PDE7B: variants seen among roughly 807,000 people sequenced by gnomAD.
PDE7B encodes phosphodiesterase 7B.
Under a neutral mutation model 56.2 loss-of-function variants are expected in PDE7B, and 29 were observed. That is an observed-to-expected ratio of 0.52 (90% CI 0.38 to 0.70). The LOEUF is 0.70. Among genes scored for constraint, PDE7B ranks in the 30% least tolerant of loss-of-function variants. The pLI, the probability that PDE7B is intolerant of heterozygous loss-of-function variation, is 0.00. For missense variants in PDE7B, 490 were observed against 565.0 expected (o/e 0.87, Z 1.35); for synonymous variants, 197 against 196.9 (o/e 1.00, Z 0.00).
intron 2 of PDE7B, among the ~76,000 whole-genome samples, chr6:136,004,201 C>G (rs1428882436): frequency 6.6e-6 from 1 of 152,144 alleles, no homozygotes; most frequent in Non-Finnish European, 1.5e-5. Flanking sequence ...TGGGACATAT[C>G]TCAAAATAGT....
intron 1 of PDE7B, among the ~76,000 whole-genome samples, chr6:135,866,777 C>A (rs1047425353): frequency 6.6e-6 from 1 of 152,152 alleles, no homozygotes; most frequent in South Asian, 2.1e-4. Context: ...ATAGTGCATA[C>A]GTGTCGTAAA....
intron 3 of PDE7B, among the ~76,000 whole-genome samples, chr6:136,116,722 T>G (rs1404710038): frequency 6.6e-6 from 1 of 152,140 alleles, no homozygotes; most frequent in Non-Finnish European, 1.5e-5. Context: ...AAGCTAGAAA[T>G]AATGGACTAA....
chr6:136,037,653 T>A (rs1484543451), intron 2 of PDE7B: 35 of 985,322 alleles, frequency 3.6e-5, no homozygotes, highest in Non-Finnish European at 4.2e-5. Flanking sequence ...GGCCTGAGCC[T>A]GTACCACAGG....
intron 9 of PDE7B, among the ~76,000 whole-genome samples, chr6:136,176,870 A>G (rs544499927): frequency 6.6e-6 from 1 of 152,292 alleles, no homozygotes; most frequent in Non-Finnish European, 1.5e-5. Flanking sequence ...AAAATGGGAG[A>G]AATAATATCA....
chr6:135,858,032 GA>G (rs1348518386), intron 1 of PDE7B, among the ~76,000 whole-genome samples: 57 of 152,086 alleles, frequency 3.7e-4, no homozygotes, highest in African/African-American at 1.3e-3. Context: ...TTTATAAAGG[GA>G]AAAAGTTACT....
intron 12 of PDE7B, among the ~76,000 whole-genome samples, chr6:136,187,499 G>A (rs968702192): frequency 2.0e-5 from 3 of 152,124 alleles, no homozygotes; most frequent in South Asian, 2.1e-4. Flanking sequence ...AATCTGGGTC[G>A]CTACCCCTCA....
chr6:135,852,977 T>C (rs1480797820), intron 1 of PDE7B, among the ~76,000 whole-genome samples: 1 of 152,226 alleles, frequency 6.6e-6, no homozygotes, highest in Non-Finnish European at 1.5e-5. Context: ...AGGGCTAATG[T>C]TGTTTTCAGT....
intron 8 of PDE7B, among the ~76,000 whole-genome samples, chr6:136,172,345 T>C (rs1778901563): frequency 6.6e-6 from 1 of 152,228 alleles, no homozygotes; most frequent in Admixed American, 6.5e-5. Context: ...TGGTGTGAGA[T>C]GGTATCTCAC....
At chr6:136,030,672 C>A (rs1776233130) in intron 2 of PDE7B, among the ~76,000 whole-genome samples, 1 of 152,206 alleles carries the variant, frequency 6.6e-6, no homozygotes, top group Admixed American at 6.5e-5. Flanking sequence ...GGAAAGACTA[C>A]TTTACATAAA....
At chr6:135,987,378 G>A (rs1294223120) in intron 2 of PDE7B, among the ~76,000 whole-genome samples, 1 of 152,136 alleles carries the variant, frequency 6.6e-6, no homozygotes, top group Non-Finnish European at 1.5e-5. Flanking sequence ...CTGCTCCCAA[G>A]TATCTGACTT....
chr6:136,194,405 A>G lies in PDE7B; in HGVS notation c.*2565A>G, dbSNP rs980168340. On this transcript the variant is annotated 3_prime_UTR_variant, in exon 13 of 13. Coordinates refer to ENST00000308191, the MANE Select transcript of PDE7B (RefSeq NM_018945.4). The stretch of plus-strand genomic sequence containing the variant: ...TACCAAATATCCAATGGGTAAGCCC[A>G]TGATGTAGCCACTAGTACAATAAAA... 3.3e-5 allele frequency: 5 copies of G among 152,230 alleles called. No homozygotes were observed. Among genetic ancestry groups the G allele is most frequent in the Admixed American group, 2.0e-4 (3 of 15,284 alleles). The allele number at this position is 152,230 out of a possible 1,614,324, so 9.4% of individuals were successfully genotyped here.
rs7772220 is a variant in PDE7B at position 136,101,564 on chromosome 6, A to G, written c.83-7167A>G. Among the ~76,000 whole-genome samples the G allele has an allele frequency of 9.6e-3, 1,469 of 152,320 alleles. 21 individuals are homozygous for G. The highest frequency in any genetic ancestry group is 0.034 in the African/African-American group (1,403 of 41,570). On this transcript the variant is annotated intron_variant, in intron 2 of 12. Transcript: ENST00000308191. ...AGTTTATTTGTGTAGAAGTGTTTGT[A>G]GTATTCTCCAATGGTAGTTTCTATT...
intron 3 of PDE7B, among the ~76,000 whole-genome samples, chr6:136,131,529 G>C (rs542609727): frequency 9.1e-6 from 1 of 109,606 alleles, no homozygotes; most frequent in African/African-American, 3.7e-5. Flanking sequence ...TGAGCCGCCT[G>C]TTTGCCCAAG....
chr6:136,140,924 G>A (rs966688523), intron 3 of PDE7B, among the ~76,000 whole-genome samples: 1 of 151,916 alleles, frequency 6.6e-6, no homozygotes, highest in Admixed American at 6.6e-5. Context: ...GGGACAATTT[G>A]ACTTCCTCTT....
intron 1 of PDE7B, among the ~76,000 whole-genome samples, chr6:135,884,062 G>A (rs929668105): frequency 2.6e-5 from 4 of 152,138 alleles, no homozygotes; most frequent in Non-Finnish European, 5.9e-5. Flanking sequence ...CTGAAGCTTA[G>A]TATGTATAAA....
At chr6:135,962,100 A>AC (rs2128201573) in intron 2 of PDE7B, among the ~76,000 whole-genome samples, 1 of 152,298 alleles carries the variant, frequency 6.6e-6, no homozygotes, top group South Asian at 2.1e-4. Context: ...TGTGGGGTAT[A>AC]TGGGAAATTG....
chr6:136,058,447 G>A (rs1776777120), intron 2 of PDE7B, among the ~76,000 whole-genome samples: 1 of 152,102 alleles, frequency 6.6e-6, no homozygotes, highest in Non-Finnish European at 1.5e-5. Context: ...CCCACCTCCA[G>A]TGTCTATTTC....
chr6:136,097,556 C>T (rs1777488639), intron 2 of PDE7B, among the ~76,000 whole-genome samples: 4 of 152,090 alleles, frequency 2.6e-5, no homozygotes. Context: ...CATTCTTTAC[C>T]CTTCCATTCC....
At chr6:136,001,643 T>A (rs1237114624) in intron 2 of PDE7B, among the ~76,000 whole-genome samples, 2 of 151,684 alleles carry the variant, frequency 1.3e-5, no homozygotes, top group Admixed American at 1.3e-4. Context: ...GAAGAGAAGT[T>A]TAGAGAAAAA....
Sources: gnomAD v4.1 joint callset for allele counts (sites outside exome capture counted in the v4.1 genomes callset) on GRCh38, gnomAD v4.1.1 for gene constraint, MANE v1.5 for transcripts, NCBI Gene and HGNC (gene_info 2026-07-23, HGNC 2026-07-21) for gene names.